The following DNM1L variants were observed in gnomAD, a reference collection of about 807,000 sequenced individuals.
DNM1L encodes the protein dynamin-1-like protein.
DNM1L carries 33 observed loss-of-function variants against 92.8 expected under a neutral mutation model. That is an observed-to-expected ratio of 0.36 (90% CI 0.27 to 0.48). The LOEUF (loss-of-function observed/expected upper bound fraction) is 0.48, where lower values mean the gene tolerates loss of function less well. Ranked by LOEUF, DNM1L falls within the 20% of genes least tolerant of loss-of-function variation. DNM1L has a pLI of 0.99. For missense variants in DNM1L, 485 were observed against 888.8 expected, an observed-to-expected ratio of 0.55 and a Z score of 5.78; for synonymous variants, 284 against 305.0, an observed-to-expected ratio of 0.93 and a Z score of 0.72.
chr12:32,722,721 T>C, intron 9 of DNM1L, 88 bp downstream of exon 9: 3 of 965,236 alleles, frequency 3.1e-6, no homozygotes, highest in Non-Finnish European at 4.8e-6. Flanking sequence ...TCAGATTATC[T>C]GATTAAGATT....
chr12:32,703,535 C>G (rs1392408338), intron 2 of DNM1L, among the ~76,000 whole-genome samples: 1 of 134,704 alleles, frequency 7.4e-6, no homozygotes, highest in African/African-American at 2.8e-5. Flanking sequence ...AGCAGATAAA[C>G]AATATAGTTA....
At chr12:32,737,356 A>C in intron 14 of DNM1L, 195 bp downstream of exon 14, 1 of 561,062 alleles carries the variant, frequency 1.8e-6, no homozygotes, top group South Asian at 2.4e-5. Flanking sequence ...GAATTCACTG[A>C]CATAAATGCT....
intron 1 of DNM1L, among the ~76,000 whole-genome samples, chr12:32,683,264 CCCAGGCTGGAGTGCAGTGG>C (rs879516861): frequency 9.9e-5 from 15 of 152,190 alleles, no homozygotes; most frequent in Admixed American, 4.6e-4. Flanking sequence ...GGCTCTTTCA[CCCAGGCTGGAGTGCAGTGG>C]CATAATCCAT....
At position 32,716,742 on chromosome 12, in the gene DNM1L, G is replaced by GTATATATA. The variant is rs71447619; in HGVS notation, c.620-1886_620-1879dup. Among the ~76,000 whole-genome samples, 668 of 139,152 alleles carry GTATATATA rather than the reference G, an allele frequency of 4.8e-3. 7 individuals carry two copies. Among genetic ancestry groups the GTATATATA allele is most frequent in the African/African-American group, 0.012 (462 of 38,230 alleles). 91.3% of individuals were successfully genotyped at this position (139,152 alleles called of 152,430 possible). A position where few individuals can be genotyped will look rare whatever the true frequency, so the allele number is the denominator to read the frequency against. ...ATAGAGTATATATACACTATATATA[G>GTATATATA]TATATATATATATATATATATAGTA... On this transcript the variant is annotated intron_variant, in intron 6 of 19. Coordinates refer to ENST00000549701, the MANE Select transcript of DNM1L (RefSeq NM_012062.5).
intron 18 of DNM1L, among the ~76,000 whole-genome samples, chr12:32,742,200 G>A (rs1218334697): frequency 6.6e-6 from 1 of 152,108 alleles, no homozygotes; most frequent in East Asian, 1.9e-4. Flanking sequence ...CACCTCCTGG[G>A]TTCAAGTGAT....
chr12:32,700,794 C>A (rs1018659129), intron 1 of DNM1L, among the ~76,000 whole-genome samples: 2 of 151,746 alleles, frequency 1.3e-5, no homozygotes, highest in Non-Finnish European at 2.9e-5. Flanking sequence ...CATTACTGTC[C>A]CATTTACAGT....
intron 2 of DNM1L, among the ~76,000 whole-genome samples, chr12:32,704,414 G>C (rs1315812560): frequency 2.0e-5 from 3 of 151,952 alleles, no homozygotes; most frequent in African/African-American, 7.3e-5. Flanking sequence ...GCTAGGTGTG[G>C]TGGCGGGTGC....
chr12:32,733,693 G>T lies in DNM1L; in HGVS notation c.1447-22G>T, dbSNP rs115282768. 7 of 1,596,026 alleles carry T rather than the reference G, an allele frequency of 4.4e-6. No individual in the cohort carries two copies. The East Asian group carries it at 1.6e-4, about 36-fold the overall frequency. On this transcript the variant is annotated intron_variant, in intron 12 of 19. Coordinates refer to ENST00000549701, the MANE Select transcript of DNM1L (RefSeq NM_012062.5). Reference sequence around the variant, plus strand: ...TATGGTTGATGTATTTTTGTATATCGCCTAACTTACTTTTTTTCTAGGTCC... The same window carrying T: ...TATGGTTGATGTATTTTTGTATATCTCCTAACTTACTTTTTTTCTAGGTCC...
intron 1 of DNM1L, among the ~76,000 whole-genome samples, chr12:32,682,651 T>C (rs867277439): frequency 6.6e-6 from 1 of 152,226 alleles, no homozygotes; most frequent in East Asian, 1.9e-4. Flanking sequence ...TACCATCCAG[T>C]ACCATGCTGA....
intron 1 of DNM1L, among the ~76,000 whole-genome samples, chr12:32,689,957 G>C (rs1952171493): frequency 6.6e-6 from 1 of 152,180 alleles, no homozygotes; most frequent in South Asian, 2.1e-4. Context: ...TATAATACAG[G>C]TTATTGAATC....
chr12:32,727,584 T>C (rs1374551731), intron 9 of DNM1L: 4 of 510,414 alleles, frequency 7.8e-6, no homozygotes, highest in Admixed American at 6.6e-5. Flanking sequence ...AAATTTGGCA[T>C]TGACCTAGGC....
chr12:32,700,688 A>G (rs529268327), intron 1 of DNM1L, among the ~76,000 whole-genome samples: 17 of 152,182 alleles, frequency 1.1e-4, no homozygotes, highest in Admixed American at 2.0e-4. Context: ...CAAGGCTGCA[A>G]TAAGCTGTGA....
At chr12:32,735,649 G>A (rs889505441) in intron 13 of DNM1L, among the ~76,000 whole-genome samples, 1 of 152,192 alleles carries the variant, frequency 6.6e-6, no homozygotes, top group Admixed American at 6.5e-5. Context: ...GGTAGGCCGA[G>A]GCAGGCTGAT....
chr12:32,723,704 A>C (rs530641465), intron 9 of DNM1L, among the ~76,000 whole-genome samples: 6 of 151,968 alleles, frequency 3.9e-5, no homozygotes, highest in East Asian at 1.9e-4. Flanking sequence ...AAAAAAAAAA[A>C]AAAAAAAAAA....
At chr12:32,688,226 G>A (rs7305277) in intron 1 of DNM1L, among the ~76,000 whole-genome samples, 23,432 of 152,106 alleles carry the variant, frequency 0.15, 1,913 homozygotes, top group Middle Eastern at 0.21. Flanking sequence ...TGTGGGCCCC[G>A]TATGAATTTT....
At position 32,742,888 on chromosome 12, in the gene DNM1L, CTTTTTTTT is replaced by C. The variant is rs36039451; in HGVS notation, c.2154+158_2154+165del. The C allele has an allele frequency of 6.3e-3, 1,569 of 248,584 alleles. 13 individuals are homozygous for C. In the East Asian group the frequency reaches 0.096, roughly 15 times the overall value. The allele number at this position is 248,584 out of a possible 1,614,324, so 15.4% of individuals were successfully genotyped here. On this transcript the variant is annotated intron_variant, in intron 19 of 19. Coordinates refer to ENST00000549701, the MANE Select transcript of DNM1L (RefSeq NM_012062.5). ...TTTCCTGTTGGTACTTGATAAGAAT[CTTTTTTTT>C]TTTTTTTTTTTTTTTTTGAGTGGGA...
chr12:32,711,855 C>G (rs1357382390), intron 5 of DNM1L, among the ~76,000 whole-genome samples: 1 of 152,172 alleles, frequency 6.6e-6, no homozygotes, highest in Non-Finnish European at 1.5e-5. Flanking sequence ...TGCACTCCAA[C>G]CTGGCCAACA....
intron 14 of DNM1L, 150 bp downstream of exon 14, chr12:32,737,311 A>G (rs1954956635): frequency 1.4e-6 from 1 of 740,190 alleles, no homozygotes; most frequent in African/African-American, 1.8e-5. Flanking sequence ...CAAGTTTAAA[A>G]TGGGTTTTGA....
At chr12:32,727,654 G>T in intron 9 of DNM1L, 1 of 280,114 alleles carries the variant, frequency 3.6e-6, no homozygotes, top group South Asian at 8.0e-5. Context: ...AAAATCAGAT[G>T]CTATACCTAT....
Sources: gnomAD v4.1 joint callset for allele counts (sites outside exome capture counted in the v4.1 genomes callset) on GRCh38, gnomAD v4.1.1 for gene constraint, MANE v1.5 for transcripts, NCBI Gene and HGNC (gene_info 2026-07-23, HGNC 2026-07-21) for gene names.